CHCHD3: variants seen among roughly 807,000 people sequenced by gnomAD.
CHCHD3 encodes the protein MICOS complex subunit MIC19.
CHCHD3 carries 20 observed loss-of-function variants against 38.2 expected under a neutral mutation model. That is an observed-to-expected ratio of 0.52 (90% CI 0.37 to 0.76). The LOEUF (loss-of-function observed/expected upper bound fraction) is 0.76. Ranked by LOEUF, CHCHD3 falls within the 30% of genes least tolerant of loss-of-function variation. The pLI, the probability that CHCHD3 is intolerant of heterozygous loss-of-function variation, is 0.00. For missense variants in CHCHD3, 245 were observed against 279.2 expected (o/e 0.88, Z 0.87); for synonymous variants, 82 against 100.0 (o/e 0.82, Z 1.07).
chr7:132,845,027 T>A (rs1416971087), intron 5 of CHCHD3: 1 of 152,210 alleles, frequency 6.6e-6, no homozygotes, highest in African/African-American at 2.4e-5. Flanking sequence ...CCTATGCATA[T>A]GTCGTCCACA....
intron 6 of CHCHD3, among the ~76,000 whole-genome samples, chr7:132,807,818 T>C (rs1321927112): frequency 1.3e-5 from 2 of 151,914 alleles, no homozygotes; most frequent in East Asian, 3.9e-4. Context: ...TTACATTTTC[T>C]ATCATGTGCA....
chr7:132,971,199 G>C (rs1655469786), intron 4 of CHCHD3, among the ~76,000 whole-genome samples: 1 of 152,132 alleles, frequency 6.6e-6, no homozygotes. Context: ...TGTCCTTCTA[G>C]TCAGTCTTCA....
chr7:132,807,632 T>TATATAG (rs1265611342), intron 6 of CHCHD3, among the ~76,000 whole-genome samples: 1 of 137,242 alleles, frequency 7.3e-6, no homozygotes, highest in Non-Finnish European at 1.5e-5. Context: ...TATATATATA[T>TATATAG]ATATATATAT....
At position 133,081,944 on chromosome 7, in the gene CHCHD3, G is replaced by C. The variant is rs17338845; in HGVS notation, c.-7C>G. ...TGCTGGTGGTCCCACCCATGATTCCGGTTCCTGCCCCAGCGGAGACCTAGC... is the reference window on the plus strand; with the variant it reads ...TGCTGGTGGTCCCACCCATGATTCCCGTTCCTGCCCCAGCGGAGACCTAGC... On this transcript the variant is annotated 5_prime_UTR_variant, in exon 1 of 8. Coordinates refer to ENST00000262570, the MANE Select transcript of CHCHD3 (RefSeq NM_017812.4). 1 of 1,545,816 alleles carries C rather than the reference G, an allele frequency of 6.5e-7. No homozygotes were observed. Among genetic ancestry groups the C allele is most frequent in the East Asian group, 2.5e-5 (1 of 40,802 alleles).
intron 1 of CHCHD3, among the ~76,000 whole-genome samples, chr7:133,071,262 C>T (rs991596968): frequency 1.3e-5 from 2 of 152,152 alleles, no homozygotes; most frequent in South Asian, 4.1e-4. Flanking sequence ...TCGCTATACT[C>T]CCAGAGCCTC....
chr7:132,918,944 C>G (rs78324586), intron 4 of CHCHD3, among the ~76,000 whole-genome samples: 1,606 of 152,126 alleles, frequency 0.011, 31 homozygotes, highest in African/African-American at 0.033. Context: ...TGATGAGCAT[C>G]AATGTGCCAT....
At chr7:132,938,816 T>C (rs1810693890) in intron 4 of CHCHD3, among the ~76,000 whole-genome samples, 1 of 151,784 alleles carries the variant, frequency 6.6e-6, no homozygotes, top group African/African-American at 2.4e-5. Context: ...AGGAGAAGAG[T>C]GCTCCAAGAG....
At chr7:132,841,318 T>C (rs1483052364) in intron 5 of CHCHD3, among the ~76,000 whole-genome samples, 3 of 150,894 alleles carry the variant, frequency 2.0e-5, no homozygotes, top group South Asian at 2.1e-4. Flanking sequence ...TTAAAAGTCA[T>C]AGATAAGTGT....
chr7:132,838,978 G>A (rs1807869763), intron 5 of CHCHD3, among the ~76,000 whole-genome samples: 1 of 151,966 alleles, frequency 6.6e-6, no homozygotes, highest in South Asian at 2.1e-4. Context: ...ATCACCTGAG[G>A]TCAGGAGTTC....
At chr7:133,079,607 C>T (rs1003788719) in intron 1 of CHCHD3, among the ~76,000 whole-genome samples, 1 of 152,164 alleles carries the variant, frequency 6.6e-6, no homozygotes, top group Non-Finnish European at 1.5e-5. Flanking sequence ...ATGGTATTAC[C>T]GTTTATGGAT....
chr7:132,970,981 C>G (rs1351991774), intron 4 of CHCHD3, among the ~76,000 whole-genome samples: 1 of 151,902 alleles, frequency 6.6e-6, no homozygotes, highest in East Asian at 1.9e-4. Flanking sequence ...TAACATTAAA[C>G]CAGCATAATG....
At chr7:133,007,278 G>T (rs1247402080) in intron 3 of CHCHD3, among the ~76,000 whole-genome samples, 1 of 152,070 alleles carries the variant, frequency 6.6e-6, no homozygotes, top group African/African-American at 2.4e-5. Context: ...GCAAGCAGGG[G>T]CAGACCTAGG....
intron 6 of CHCHD3, among the ~76,000 whole-genome samples, chr7:132,811,381 C>T (rs1807064686): frequency 6.6e-6 from 1 of 152,206 alleles, no homozygotes; most frequent in Admixed American, 6.5e-5. Flanking sequence ...CCACCGGTGG[C>T]AAGTAAGCAC....
intron 3 of CHCHD3, among the ~76,000 whole-genome samples, chr7:133,013,185 CAAAAAAAA>C (rs778964079): frequency 5.4e-5 from 1 of 18,420 alleles, no homozygotes; most frequent in Non-Finnish European, 1.0e-4. Flanking sequence ...GACTCCGCCT[CAAAAAAAA>C]AAAAAAAAAA....
At chr7:132,893,002 G>C (rs1223973836) in intron 4 of CHCHD3, among the ~76,000 whole-genome samples, 3 of 152,216 alleles carry the variant, frequency 2.0e-5, no homozygotes, top group Non-Finnish European at 4.4e-5. Flanking sequence ...CCCCCACGCA[G>C]AGTCCCTACT....
chr7:133,046,700 C>CT (rs1327496027), intron 2 of CHCHD3, among the ~76,000 whole-genome samples: 2 of 152,042 alleles, frequency 1.3e-5, no homozygotes, highest in Non-Finnish European at 2.9e-5. Context: ...GTAGCTGGGA[C>CT]TACAGGCGCC....
chr7:132,974,596 C>T (rs989418429), intron 4 of CHCHD3, among the ~76,000 whole-genome samples: 2 of 152,136 alleles, frequency 1.3e-5, no homozygotes, highest in Non-Finnish European at 2.9e-5. Context: ...AGAAGACAGG[C>T]CGGGCTCGGT....
At chr7:133,011,790 T>TA (rs1812879746) in intron 3 of CHCHD3, among the ~76,000 whole-genome samples, 2 of 152,200 alleles carry the variant, frequency 1.3e-5, no homozygotes, top group African/African-American at 2.4e-5. Flanking sequence ...TCGTCAATAA[T>TA]AAAAAATCTT....
intron 6 of CHCHD3, among the ~76,000 whole-genome samples, chr7:132,836,321 C>A (rs912080920): frequency 6.6e-6 from 1 of 151,974 alleles, no homozygotes; most frequent in African/African-American, 2.4e-5. Context: ...AGTTTTGCCA[C>A]GTTGCCCAGG....
Sources: gnomAD v4.1 joint callset for allele counts (sites outside exome capture counted in the v4.1 genomes callset) on GRCh38, gnomAD v4.1.1 for gene constraint, MANE v1.5 for transcripts, NCBI Gene and HGNC (gene_info 2026-07-23, HGNC 2026-07-21) for gene names.